Variants in ZBTB16 observed in about 807,000 individuals in gnomAD.
The protein encoded by ZBTB16 is zinc finger and BTB domain-containing protein 16.
ZBTB16 carries 8 observed loss-of-function variants against 56.8 expected under a neutral mutation model. The ratio of observed to expected loss-of-function variants is 0.14; its 90% CI spans 0.08 to 0.25. ZBTB16 has a LOEUF of 0.25. ZBTB16 is among the 10% of genes least tolerant of loss of function. The pLI is 1.00. For synonymous variants in ZBTB16, 363 were observed against 368.5 expected (o/e 0.98, Z 0.17); for missense variants, 625 against 903.0 (o/e 0.69, Z 3.95).
rs1396721015 is a variant in ZBTB16, at chr11:114,252,342, A to G, written c.*1787A>G. On this transcript the variant is annotated 3_prime_UTR_variant, in exon 7 of 7. Coordinates refer to ENST00000335953, the MANE Select transcript of ZBTB16 (RefSeq NM_006006.6). Reference sequence around the variant, plus strand: ...GTCTCACCTCTGTGCGTGCATTCTCATTGCCAGAATTGGTCTATTTTCACG... The same window carrying G: ...GTCTCACCTCTGTGCGTGCATTCTCGTTGCCAGAATTGGTCTATTTTCACG... Among the ~76,000 whole-genome samples, 1 of 124,732 alleles carries G rather than the reference A, an allele frequency of 8.0e-6. No homozygotes were observed. 81.8% of individuals were successfully genotyped at this position (124,732 alleles called of 152,430 possible). A position where few individuals can be genotyped will look rare whatever the true frequency, so the allele number is the denominator to read the frequency against.
chr11:114,120,173 C>T (rs1274966997), intron 2 of ZBTB16, among the ~76,000 whole-genome samples: 2 of 152,110 alleles, frequency 1.3e-5, no homozygotes, highest in East Asian at 1.9e-4. Context: ...ACTTGGAAGG[C>T]GGTTGGCTGA....
intron 2 of ZBTB16, among the ~76,000 whole-genome samples, chr11:114,097,246 A>G (rs1940450619): frequency 1.3e-5 from 2 of 152,246 alleles, no homozygotes; most frequent in African/African-American, 4.8e-5. Context: ...ATCTGTGCTT[A>G]TATAAAGCAA....
At chr11:114,106,615 C>T (rs1940799569) in intron 2 of ZBTB16, among the ~76,000 whole-genome samples, 1 of 151,872 alleles carries the variant, frequency 6.6e-6, no homozygotes, top group Admixed American at 6.6e-5. Flanking sequence ...GGACTATAGG[C>T]CTGCACCACC....
intron 2 of ZBTB16, among the ~76,000 whole-genome samples, chr11:114,153,262 G>T (rs1942321184): frequency 6.6e-6 from 1 of 152,194 alleles, no homozygotes; most frequent in African/African-American, 2.4e-5. Flanking sequence ...GAACTCCCAG[G>T]CCTGTGAGGT....
chr11:114,142,667 C>G (rs777653397), intron 2 of ZBTB16, among the ~76,000 whole-genome samples: 3 of 152,100 alleles, frequency 2.0e-5, no homozygotes, highest in African/African-American at 7.2e-5. Context: ...AAAATATATA[C>G]TTAAAAGTAA....
chr11:114,188,044 A>G (rs1388419844), intron 4 of ZBTB16: 1 of 161,232 alleles, frequency 6.2e-6, no homozygotes, highest in Non-Finnish European at 1.3e-5. Context: ...TGAGTTGTAT[A>G]ATTAGTTCAT....
intron 3 of ZBTB16, 47 bp from the exon 4 acceptor site, chr11:114,186,905 A>AC: frequency 6.3e-7 from 1 of 1,591,958 alleles, no homozygotes; most frequent in South Asian, 1.1e-5. Flanking sequence ...CTCCCCGCTC[A>AC]CCAGTGGACT....
At chr11:114,102,255 A>G (rs185183207) in intron 2 of ZBTB16, among the ~76,000 whole-genome samples, 1 of 152,146 alleles carries the variant, frequency 6.6e-6, no homozygotes, top group East Asian at 1.9e-4. Context: ...TGCTTTAGGA[A>G]GGCTTTCTTA....
At chr11:114,215,052 A>G (rs1446865018) in intron 4 of ZBTB16, among the ~76,000 whole-genome samples, 1 of 151,498 alleles carries the variant, frequency 6.6e-6, no homozygotes, top group Admixed American at 6.6e-5. Flanking sequence ...TGGATCTATG[A>G]GGTTAACTGT....
intron 4 of ZBTB16, among the ~76,000 whole-genome samples, chr11:114,200,059 C>T (rs568591135): frequency 1.5e-3 from 217 of 148,678 alleles, no homozygotes; most frequent in Middle Eastern, 3.5e-3. Flanking sequence ...ACCCGGGAGG[C>T]GGAGCTTGCA....
intron 4 of ZBTB16, among the ~76,000 whole-genome samples, chr11:114,190,269 T>C (rs995202911): frequency 6.6e-6 from 1 of 152,160 alleles, no homozygotes; most frequent in Non-Finnish European, 1.5e-5. Flanking sequence ...ATACTGAGGC[T>C]CCTCGACTTA....
intron 2 of ZBTB16, among the ~76,000 whole-genome samples, chr11:114,104,266 A>G (rs1173673230): frequency 6.6e-6 from 1 of 152,220 alleles, no homozygotes; most frequent in Non-Finnish European, 1.5e-5. Flanking sequence ...GGATAAAAGT[A>G]GCATAGGGAG....
chr11:114,234,218 G>C (rs1944516002), intron 4 of ZBTB16, among the ~76,000 whole-genome samples: 1 of 152,198 alleles, frequency 6.6e-6, no homozygotes, highest in Admixed American at 6.5e-5. Flanking sequence ...TGGATAAAGA[G>C]ACCTAAATTT....
intron 3 of ZBTB16, among the ~76,000 whole-genome samples, chr11:114,186,510 C>CT (rs1332731043): frequency 6.6e-6 from 1 of 152,134 alleles, no homozygotes; most frequent in Non-Finnish European, 1.5e-5. Context: ...TTTGGACACA[C>CT]TGAGTCAGAG....
chr11:114,141,146 T>A (rs1033677287), intron 2 of ZBTB16, among the ~76,000 whole-genome samples: 68 of 152,090 alleles, frequency 4.5e-4, no homozygotes, highest in African/African-American at 1.6e-3. Context: ...CCCGGCGGGG[T>A]ATGCTCATTT....
At chr11:114,066,230 C>T (rs1212175164) in intron 2 of ZBTB16, among the ~76,000 whole-genome samples, 5 of 152,274 alleles carry the variant, frequency 3.3e-5, no homozygotes, top group East Asian at 1.9e-4. Flanking sequence ...CACCCCTAGC[C>T]GGAATCTGCT....
At chr11:114,211,106 A>G (rs1166294717) in intron 4 of ZBTB16, among the ~76,000 whole-genome samples, 1 of 152,134 alleles carries the variant, frequency 6.6e-6, no homozygotes, top group African/African-American at 2.4e-5. Flanking sequence ...TTTTTAGTAG[A>G]GACAGTGGTT....
At chr11:114,167,225 TTTTTTG>T (rs1565663063) in intron 3 of ZBTB16, among the ~76,000 whole-genome samples, 11 of 75,032 alleles carry the variant, frequency 1.5e-4, no homozygotes, top group African/African-American at 1.0e-3. Context: ...GGTTTTTTTT[TTTTTTG>T]GTTTTTTTTT....
At chr11:114,233,647 C>G (rs1035827639) in intron 4 of ZBTB16, among the ~76,000 whole-genome samples, 2 of 151,960 alleles carry the variant, frequency 1.3e-5, no homozygotes, top group African/African-American at 4.8e-5. Context: ...TTATCCACCC[C>G]TTTTCTTGTC....
Sources: allele counts gnomAD v4.1 joint callset (sites outside exome capture counted in the v4.1 genomes callset), GRCh38; gene constraint gnomAD v4.1.1; transcripts MANE v1.5; gene names NCBI Gene and HGNC (gene_info 2026-07-23, HGNC 2026-07-21).